The following DNAJC13 variants were observed in gnomAD, a reference collection of about 807,000 sequenced individuals.
The protein encoded by DNAJC13 is DnaJ heat shock protein family (Hsp40) member C13, also known as dnaJ homolog subfamily C member 13.
Under a neutral mutation model 290.5 loss-of-function variants are expected in DNAJC13, and 75 were observed. That is an observed-to-expected ratio of 0.26 (90% CI 0.21 to 0.31). The LOEUF (loss-of-function observed/expected upper bound fraction) is 0.31. Among genes scored for constraint, DNAJC13 ranks in the 10% least tolerant of loss-of-function variants. The pLI, the probability that DNAJC13 is intolerant of heterozygous loss-of-function variation, is 1.00. For synonymous variants in DNAJC13, 862 were observed against 892.0 expected, an observed-to-expected ratio of 0.97 and a Z score of 0.60; for missense variants, 2,260 against 2,674.5, an observed-to-expected ratio of 0.85 and a Z score of 3.42.
At position 132,477,890 on chromosome 3, in the gene DNAJC13, A is replaced by G; in HGVS notation, c.2547A>G (p.Arg849=). 6.2e-7 allele frequency: 1 copy of G among 1,612,296 alleles called. No homozygotes were observed. Among genetic ancestry groups the G allele is most frequent in the Non-Finnish European group, 8.5e-7 (1 of 1,179,096 alleles). ...ATGAAGAAAGTGGATCAATTAAGAGATCGTGAGCTACTCTGTATATCCTGT... is the reference window on the plus strand; with the variant it reads ...ATGAAGAAAGTGGATCAATTAAGAGGTCGTGAGCTACTCTGTATATCCTGT... ...DENEESGSIK[R]SYEFFNELYH... Residue 849 remains arginine (R), a splice_region_variant and synonymous_variant, in exon 23 of 56, where the codon AGA becomes AGG. Coordinates refer to ENST00000260818, the MANE Select transcript of DNAJC13 (RefSeq NM_015268.4).
Position 132,483,427 on chromosome 3 carries a change from C to T in DNAJC13, c.3032C>T (p.Ala1011Val). 6.2e-7 allele frequency: 1 copy of T among 1,614,094 alleles called. No individual in the cohort carries two copies. The highest frequency in any genetic ancestry group is 8.5e-7 in the Non-Finnish European group (1 of 1,180,006). The change falls in exon 28 of 56, where the codon GCT becomes GTT. Residue 1011 changes from alanine to valine, a missense_variant. Transcript: ENST00000260818. ...TTAAATGCAAAAACCAGATGCTGGG[C>T]TCAAGGCATGGATGGATGGCGACCA... is the stretch of plus-strand genomic sequence containing the variant. Reference protein sequence around the residue: ...GMLNAKTRCWAQGMDGWRPLQ... With the variant: ...GMLNAKTRCWVQGMDGWRPLQ...
At chr3:132,467,869 C>T (rs1934055690) in intron 20 of DNAJC13, among the ~76,000 whole-genome samples, 1 of 152,016 alleles carries the variant, frequency 6.6e-6, no homozygotes, top group African/African-American at 2.4e-5. Context: ...ATATAGAATT[C>T]CACTCTTAAT....
chr3:132,529,372 T>C (rs1936347615), intron 54 of DNAJC13, among the ~76,000 whole-genome samples: 1 of 152,352 alleles, frequency 6.6e-6, no homozygotes, highest in Admixed American at 6.5e-5. Flanking sequence ...TAATGTTCCA[T>C]AGGTTTTAAT....
intron 2 of DNAJC13, among the ~76,000 whole-genome samples, chr3:132,436,034 A>G (rs1311544341): frequency 6.6e-6 from 1 of 152,130 alleles, no homozygotes; most frequent in East Asian, 1.9e-4. Context: ...TTTTGTTTTT[A>G]TAACAGCTTT....
At position 132,496,670 on chromosome 3, in the gene DNAJC13, T is replaced by A. The variant is rs1935243257; in HGVS notation, c.4156+7T>A. The A allele has an allele frequency of 6.3e-7, 1 of 1,594,564 alleles. No individual in the cohort carries two copies. Among genetic ancestry groups the A allele is most frequent in the Admixed American group, 1.8e-5 (1 of 56,372 alleles). ...TTCAACCGTCATAAAGAAGGTAAGA[T>A]GTCTGTTCTCAGATTTTAATTTATC... On this transcript the variant is annotated splice_region_variant and intron_variant, in intron 36 of 55. Transcript: ENST00000260818.
intron 16 of DNAJC13, among the ~76,000 whole-genome samples, chr3:132,463,243 A>G (rs1013088928): frequency 3.3e-5 from 5 of 152,246 alleles, no homozygotes; most frequent in African/African-American, 1.2e-4. Flanking sequence ...AAATATATAT[A>G]GGCATTGAAC....
At position 132,434,583 on chromosome 3, in the gene DNAJC13, A is replaced by G. The variant is rs1939330452; in HGVS notation, c.33A>G (p.Ala11=). The change falls in exon 2 of 56, where the codon GCA becomes GCG. Residue 11 remains alanine (A), a synonymous_variant. Transcript: ENST00000260818. MNIIRENKDL[A]CFYTTKHSWR... ...TAATTAGGGAAAATAAGGATCTGGC[A>G]TGTTTCTACACAACAAAACATTCAT... is the stretch of plus-strand genomic sequence containing the variant. 6.2e-7 allele frequency: 1 copy of G among 1,612,104 alleles called. No homozygotes were observed. The highest frequency in any genetic ancestry group is 1.3e-5 in the African/African-American group (1 of 74,884).
At chr3:132,471,269 T>C (rs1576480572) in intron 20 of DNAJC13, among the ~76,000 whole-genome samples, 4 of 121,688 alleles carry the variant, frequency 3.3e-5, no homozygotes, top group South Asian at 6.0e-4. Flanking sequence ...CCCTCCCGGA[T>C]GGCACGGCTG....
At chr3:132,480,691 CTG>C (rs984927976) in intron 26 of DNAJC13, among the ~76,000 whole-genome samples, 1 of 152,152 alleles carries the variant, frequency 6.6e-6, no homozygotes, top group East Asian at 1.9e-4. Context: ...ATTAAAGTAA[CTG>C]TATCTCTAAT....
In DNAJC13 at chr3:132,525,718, G is replaced by T. The variant is rs138693725; in HGVS notation, c.6169G>T (p.Ala2057Ser). The T allele has an allele frequency of 9.4e-4, 1,521 of 1,614,188 alleles. 2 individuals carry two copies. The highest frequency in any genetic ancestry group is 1.1e-3 in the Non-Finnish European group (1,318 of 1,180,018). Reference protein sequence around the residue: ...PLGHLPKVIQAMNHRNNAIPK... With the variant: ...PLGHLPKVIQSMNHRNNAIPK... Reference sequence around the variant, plus strand: ...GGGCCATCTTCCCAAAGTTATCCAGGCAATGAATCATAGGAACAATGCCAT... The same window carrying T: ...GGGCCATCTTCCCAAAGTTATCCAGTCAATGAATCATAGGAACAATGCCAT... The change falls in exon 52 of 56, where the codon GCA becomes TCA. Residue 2057 changes from alanine to serine, a missense_variant. Ala to Ser is a moderately conservative substitution (Grantham distance 99, BLOSUM62 1). This residue lies in a region of DNAJC13 where 1,494 missense variants were observed against 1,693.7 expected (regional missense o/e 0.88). Coordinates refer to ENST00000260818, the MANE Select transcript of DNAJC13 (RefSeq NM_015268.4).
At position 132,472,409 on chromosome 3, in the gene DNAJC13, TCA is replaced by T. The variant is rs1389246294; in HGVS notation, c.2209-733_2209-732del. ...GGTTTATGACTGCCTAAAATTTGAG[TCA>T]CAGGCTTAGAGAAGCAGGTGCACCT... On this transcript the variant is annotated intron_variant, in intron 20 of 55. Transcript: ENST00000260818. 5 of 282,006 alleles carry T rather than the reference TCA, an allele frequency of 1.8e-5. No individual in the cohort carries two copies. The Admixed American group carries it at 2.6e-4, about 15-fold the overall frequency. 17.5% of individuals were successfully genotyped at this position (282,006 alleles called of 1,614,324 possible). A position where few individuals can be genotyped will look rare whatever the true frequency, so the allele number is the denominator to read the frequency against.
intron 9 of DNAJC13, among the ~76,000 whole-genome samples, chr3:132,454,786 G>A (rs1933540096): frequency 6.7e-6 from 1 of 148,694 alleles, no homozygotes; most frequent in South Asian, 2.2e-4. Context: ...CAATGGAAAA[G>A]AACACCTTAA....
chr3:132,462,591 A>G (rs1237989422), intron 16 of DNAJC13, 68 bp downstream of exon 16: 12 of 1,113,354 alleles, frequency 1.1e-5, no homozygotes, highest in African/African-American at 3.2e-5. Context: ...TGAAGTTGAC[A>G]ATATTGCCTT....
chr3:132,456,152 T>TA (rs1933591879), intron 9 of DNAJC13, 83 bp from the exon 10 acceptor site: 2 of 1,292,342 alleles, frequency 1.5e-6, no homozygotes, highest in Middle Eastern at 2.4e-4. Context: ...GATTACCTGC[T>TA]AAAGGGCCTA....
chr3:132,483,674 A>G (rs1243145116), intron 28 of DNAJC13, 97 bp downstream of exon 28: 2 of 1,240,368 alleles, frequency 1.6e-6, no homozygotes, highest in Non-Finnish European at 2.3e-6. Context: ...TGTCCTATTT[A>G]TGGCCTTGGA....
chr3:132,515,246 A>G (rs900258255), intron 46 of DNAJC13, among the ~76,000 whole-genome samples: 6 of 152,202 alleles, frequency 3.9e-5, no homozygotes, highest in Non-Finnish European at 5.9e-5. Context: ...GGCAATTACA[A>G]TATAACTTCA....
At chr3:132,503,650 G>A (rs1419856495) in intron 41 of DNAJC13, among the ~76,000 whole-genome samples, 7 of 152,296 alleles carry the variant, frequency 4.6e-5, no homozygotes, top group South Asian at 4.1e-4. Flanking sequence ...GGGACAGGAC[G>A]AGAGAGTGAA....
Position 132,453,244 on chromosome 3 carries a change from A to G in DNAJC13, c.538-54A>G, listed in dbSNP as rs1287925061. 4 of 1,532,660 alleles carry G rather than the reference A, an allele frequency of 2.6e-6. No individual in the cohort carries two copies. In the East Asian group the frequency reaches 9.3e-5, roughly 35 times the overall value. The allele number at this position is 1,532,660 out of a possible 1,614,324, so 94.9% of individuals were successfully genotyped here. The stretch of plus-strand genomic sequence containing the variant: ...CCTTTCCTATGAGTTGATTAGCTAC[A>G]GACACATTTCAGTTGTTTCAACTCT... On this transcript the variant is annotated intron_variant, in intron 6 of 55. Coordinates refer to ENST00000260818, the MANE Select transcript of DNAJC13 (RefSeq NM_015268.4).
chr3:132,453,533 T>C (rs1190668636), intron 7 of DNAJC13, 29 bp downstream of exon 7: 4 of 1,609,994 alleles, frequency 2.5e-6, no homozygotes, highest in Non-Finnish European at 3.4e-6. Context: ...AAATGAAAAT[T>C]TGTTCACCTG....
Sources: allele counts gnomAD v4.1 joint callset (sites outside exome capture counted in the v4.1 genomes callset), GRCh38; gene constraint gnomAD v4.1.1; regional missense constraint gnomAD v4.1.1; transcripts MANE v1.5; gene names NCBI Gene and HGNC (gene_info 2026-07-23, HGNC 2026-07-21).